The following COL1A2 variants were observed in gnomAD, a reference collection of about 807,000 sequenced individuals.
COL1A2 encodes the protein collagen type I alpha 2 chain, also known as collagen alpha-2(I) chain.
A neutral mutation model predicts 174.3 loss-of-function variants in COL1A2; 49 were observed. The observed-to-expected ratio is 0.28, with a 90% CI of 0.22 to 0.36. The LOEUF is 0.36. COL1A2 is among the 10% of genes least tolerant of loss of function. The pLI is 1.00. For missense variants in COL1A2, 1,438 were observed against 1,822.7 expected (o/e 0.79, Z 3.84); for synonymous variants, 655 against 606.6 (o/e 1.08, Z -1.17).
rs1367040424 is a variant in COL1A2, at chr7:94,399,945, G to A, written c.133-251G>A. On this transcript the variant is annotated intron_variant, in intron 4 of 51. Transcript: ENST00000297268. Reference sequence around the variant, plus strand: ...ATAATTTTTATATTTGAATACTGGAGCTTCAGTATGAATTAATATTCAATG... The same window carrying A: ...ATAATTTTTATATTTGAATACTGGAACTTCAGTATGAATTAATATTCAATG... 5.3e-6 allele frequency: 3 copies of A among 569,894 alleles called. No individual in the cohort carries two copies. In the Admixed American group the frequency reaches 8.2e-5, roughly 16 times the overall value. The allele number at this position is 569,894 out of a possible 1,614,324, so 35.3% of individuals were successfully genotyped here.
chr7:94,424,090 T>C, intron 40 of COL1A2: 1 of 477,086 alleles, frequency 2.1e-6, no homozygotes, highest in East Asian at 4.1e-5. Context: ...TCTTTATAAA[T>C]CTCAACCACA....
At position 94,410,222 on chromosome 7, in the gene COL1A2, T is replaced by G; in HGVS notation, c.1036-20T>G. The G allele has an allele frequency of 2.5e-6, 4 of 1,613,074 alleles. No individual in the cohort carries two copies. Among genetic ancestry groups the G allele is most frequent in the Non-Finnish European group, 3.4e-6 (4 of 1,179,688 alleles). On this transcript the variant is annotated intron_variant, in intron 19 of 51. Transcript: ENST00000297268. Reference sequence around the variant, plus strand: ...CAACAAATGTTTGTCCTTTGACCACTGTTCTGTATTGAACCCTAGGGTGAG... The same window carrying G: ...CAACAAATGTTTGTCCTTTGACCACGGTTCTGTATTGAACCCTAGGGTGAG...
At chr7:94,398,417 C>A in intron 3 of COL1A2, 21 bp downstream of exon 3, 2 of 910,418 alleles carry the variant, frequency 2.2e-6, no homozygotes, top group East Asian at 7.2e-5. Context: ...ACTACTTCTC[C>A]ATAAATATCT....
At chr7:94,409,478 G>C (rs1791872647) in intron 17 of COL1A2, 58 bp downstream of exon 17, 1 of 1,609,840 alleles carries the variant, frequency 6.2e-7, no homozygotes, top group Non-Finnish European at 8.5e-7. Context: ...GTGGAGTATG[G>C]GGAAGAAGAA....
intron 15 of COL1A2, 29 bp from the exon 16 acceptor site, chr7:94,408,741 T>A: frequency 6.2e-7 from 1 of 1,613,380 alleles, no homozygotes; most frequent in Non-Finnish European, 8.5e-7. Flanking sequence ...TTGGAGGAAA[T>A]TTCTTACCAC....
intron 45 of COL1A2, 138 bp downstream of exon 45, chr7:94,426,189 C>A: frequency 1.1e-6 from 1 of 899,528 alleles, no homozygotes. Context: ...AGAATTGATA[C>A]AAATAACTTG....
intron 51 of COL1A2, 28 bp downstream of exon 51, chr7:94,429,458 C>T: frequency 6.2e-7 from 1 of 1,612,410 alleles, no homozygotes; most frequent in Non-Finnish European, 8.5e-7. Context: ...ATGGGAATAG[C>T]TTTGGGAAGT....
Position 94,401,680 on chromosome 7 carries a change from C to T in COL1A2, c.279+60C>T, listed in dbSNP as rs182541012. 28 of 1,200,616 alleles carry T rather than the reference C, an allele frequency of 2.3e-5. No homozygotes were observed. The Admixed American group carries it at 3.6e-4, about 16-fold the overall frequency. 74.4% of individuals were successfully genotyped at this position (1,200,616 alleles called of 1,614,324 possible). A position where few individuals can be genotyped will look rare whatever the true frequency, so the allele number is the denominator to read the frequency against. ...GCTAAATAAATCATTCATTTTATGT[C>T]ACATTTTACCACGCCATTTATTTAG... On this transcript the variant is annotated intron_variant, in intron 6 of 51. Transcript: ENST00000297268.
At chr7:94,423,275 G>A in intron 40 of COL1A2, 157 bp downstream of exon 40, 1 of 834,792 alleles carries the variant, frequency 1.2e-6, no homozygotes, top group Non-Finnish European at 1.9e-6. Context: ...CACACTGAGG[G>A]GCTGTGGCTT....
Position 94,426,021 on chromosome 7 carries a change from T to A in COL1A2, c.2967T>A (p.Pro989=). Residue 989 remains proline (P), a synonymous_variant, in exon 45 of 52, where the codon CCT becomes CCA. Transcript: ENST00000297268. ...GETGPSGPVG[P]AGAVGPRGPS... ...AGGGTCCTTCTGGTCCTGTTGGTCC[T>A]GCTGGTGCTGTTGGCCCAAGAGGTC... 1 of 1,614,216 alleles carries A rather than the reference T, an allele frequency of 6.2e-7. No individual in the cohort carries two copies. Among genetic ancestry groups the A allele is most frequent in the African/African-American group, 1.3e-5 (1 of 75,054 alleles).
At position 94,423,061 on chromosome 7, in the gene COL1A2, A is replaced by G. The variant is rs563505012; in HGVS notation, c.2508A>G (p.Ala836=). The stretch of plus-strand genomic sequence containing the variant: ...TTGGCCGAACTGGAGAAGTAGGTGC[A>G]GTTGGTCCCCCTGGCTTCGCTGGTG... ...GPVGRTGEVG[A]VGPPGFAGEK... The change falls in exon 40 of 52, where the codon GCA becomes GCG. Residue 836 remains alanine, a synonymous_variant. Transcript: ENST00000297268. 9.9e-6 allele frequency: 16 copies of G among 1,614,142 alleles called. No homozygotes were observed. The highest frequency in any genetic ancestry group is 9.3e-5 in the African/African-American group (7 of 75,016).
chr7:94,415,140 C>A, intron 29 of COL1A2, 86 bp from the exon 30 acceptor site: 1 of 1,291,176 alleles, frequency 7.7e-7, no homozygotes, highest in Non-Finnish European at 1.1e-6. Context: ...TTATTTCACT[C>A]TTTCCAAATT....
At chr7:94,420,362 C>T in intron 35 of COL1A2, 29 bp from the exon 36 acceptor site, 2 of 1,614,136 alleles carry the variant, frequency 1.2e-6, no homozygotes, top group Non-Finnish European at 1.7e-6. Flanking sequence ...GGATTGATAA[C>T]ACATTTTTAA....
intron 19 of COL1A2, 57 bp from the exon 20 acceptor site, chr7:94,410,185 G>C (rs1227003097): frequency 6.4e-7 from 1 of 1,553,778 alleles, no homozygotes; most frequent in Non-Finnish European, 8.9e-7. Flanking sequence ...AGATTTGTCT[G>C]CAAGAGAGTT....
At chr7:94,425,882 C>G in intron 44 of COL1A2, 25 bp downstream of exon 44, 1 of 1,605,584 alleles carries the variant, frequency 6.2e-7, no homozygotes, top group Non-Finnish European at 8.5e-7. Context: ...ACCAGTCCCT[C>G]AGTGCAGCAT....
intron 31 of COL1A2, 111 bp downstream of exon 31, chr7:94,416,614 C>A: frequency 2.4e-6 from 2 of 832,296 alleles, no homozygotes; most frequent in East Asian, 2.7e-5. Flanking sequence ...ATTTCCAGTT[C>A]TGTGATGACT....
Position 94,419,620 on chromosome 7 carries a change from C to T in COL1A2, c.2079+69C>T, listed in dbSNP as rs778885189. The T allele has an allele frequency of 5.6e-5, 86 of 1,544,498 alleles. 2 individuals carry two copies. In the South Asian group the frequency reaches 8.6e-4, roughly 15 times the overall value. ...TCCCGCCTTCCCTAGTCCCAAAGAGCCCCAGCAATTCATTTTTATGGCTTG... is the reference window on the plus strand; with the variant it reads ...TCCCGCCTTCCCTAGTCCCAAAGAGTCCCAGCAATTCATTTTTATGGCTTG... On this transcript the variant is annotated intron_variant, in intron 34 of 51. Coordinates refer to ENST00000297268, the MANE Select transcript of COL1A2 (RefSeq NM_000089.4).
rs577830611 is a variant in COL1A2, at chr7:94,428,610, A to G, written c.3711+133A>G. ...AGACCTGTTCCTTTCCTGGGTTCCA[A>G]TTTTGTCCTAAATTGCACATTAGAA... On this transcript the variant is annotated intron_variant, in intron 50 of 51. Transcript: ENST00000297268. 9 of 828,288 alleles carry G rather than the reference A, an allele frequency of 1.1e-5. No homozygotes were observed. In the East Asian group the frequency reaches 1.9e-4, roughly 17 times the overall value. 51.3% of individuals were successfully genotyped at this position (828,288 alleles called of 1,614,324 possible).
At chr7:94,411,332 T>C (rs542086629) in intron 23 of COL1A2, among the ~76,000 whole-genome samples, 178 bp downstream of exon 23, 1 of 152,196 alleles carries the variant, frequency 6.6e-6, no homozygotes, top group Non-Finnish European at 1.5e-5. Flanking sequence ...ATTTAATTAG[T>C]TCATAAATTT....
Sources: gnomAD v4.1 joint callset for allele counts (sites outside exome capture counted in the v4.1 genomes callset) on GRCh38, gnomAD v4.1.1 for gene constraint, MANE v1.5 for transcripts, NCBI Gene and HGNC (gene_info 2026-07-23, HGNC 2026-07-21) for gene names.